The following PAK1IP1 variants were observed in gnomAD, a reference collection of about 807,000 sequenced individuals.
The protein encoded by PAK1IP1 is PAK1 interacting protein 1.
PAK1IP1 carries 24 observed loss-of-function variants against 42.0 expected under a neutral mutation model. The ratio of observed to expected loss-of-function variants is 0.57; its 90% confidence interval spans 0.41 to 0.80. The LOEUF is 0.80. Ranked by LOEUF, PAK1IP1 falls within the 30% of genes least tolerant of loss-of-function variation. The probability of loss-of-function intolerance (pLI) is 0.00; values close to 1 mark genes in which losing one functional copy is unlikely to be tolerated. For synonymous variants in PAK1IP1, 154 were observed against 156.7 expected (o/e 0.98, Z 0.13); for missense variants, 411 against 467.9 (o/e 0.88, Z 1.12).
intron 4 of PAK1IP1, among the ~76,000 whole-genome samples, chr6:10,702,888 G>A (rs559692849): frequency 6.6e-6 from 1 of 152,014 alleles, no homozygotes; most frequent in East Asian, 1.9e-4. Flanking sequence ...CTCACTGCAA[G>A]CTCCGCCTCC....
upstream of PAK1IP1, chr6:10,694,369 G>A (rs1304826883): frequency 6.5e-6 from 1 of 153,184 alleles, no homozygotes; most frequent in Non-Finnish European, 1.5e-5. Context: ...AAGTGTGCAG[G>A]GCTGGGGTTC....
chr6:10,704,893 T>C (rs1264917836), intron 7 of PAK1IP1, 49 bp downstream of exon 7: 5 of 1,099,218 alleles, frequency 4.5e-6, no homozygotes, highest in South Asian at 1.2e-5. Flanking sequence ...ATAAAAGGTA[T>C]ATATGCAGTA....
upstream of PAK1IP1, among the ~76,000 whole-genome samples, chr6:10,693,674 C>A (rs1279934062): frequency 2.0e-5 from 3 of 152,204 alleles, no homozygotes. Flanking sequence ...CTGTTGGGAG[C>A]TTGTAGGAAA....
intron 2 of PAK1IP1, among the ~76,000 whole-genome samples, chr6:10,701,061 CTT>C (rs1770012434): frequency 6.6e-6 from 1 of 151,840 alleles, no homozygotes; most frequent in Non-Finnish European, 1.5e-5. Flanking sequence ...TTTTCTTTTT[CTT>C]TTCTTTTCTA....
intron 8 of PAK1IP1, among the ~76,000 whole-genome samples, chr6:10,708,118 G>A (rs908648044): frequency 7.0e-6 from 1 of 142,736 alleles, no homozygotes; most frequent in African/African-American, 2.6e-5. Flanking sequence ...AATCATAATC[G>A]TAATTAATTT....
upstream of PAK1IP1, among the ~76,000 whole-genome samples, chr6:10,693,883 C>G (rs1466481294): frequency 2.0e-5 from 3 of 152,166 alleles, no homozygotes; most frequent in East Asian, 5.8e-4. Flanking sequence ...CGGGCGTCGC[C>G]ATGCTGGGCT....
Position 10,704,453 on chromosome 6 carries a change from TCATTTTA to T in PAK1IP1, c.497-53_497-47del, listed in dbSNP as rs879065041. 3.9e-6 allele frequency: 4 copies of T among 1,018,936 alleles called. No individual in the cohort carries two copies. The South Asian group carries it at 6.3e-5, about 16-fold the overall frequency. The allele number at this position is 1,018,936 out of a possible 1,614,324, so 63.1% of individuals were successfully genotyped here. ...ATATTTGCTATTTTTATTACTATGA[TCATTTTA>T]TGTTTTATTTACAAAATAAATAAAC... On this transcript the variant is annotated intron_variant, in intron 5 of 9. Transcript: ENST00000379568.
At chr6:10,699,244 G>A (rs1038175960) in intron 2 of PAK1IP1, among the ~76,000 whole-genome samples, 2 of 150,926 alleles carry the variant, frequency 1.3e-5, no homozygotes, top group African/African-American at 4.9e-5. Context: ...AAGAAAATGT[G>A]TTGTCAAGGG....
At position 10,704,623 on chromosome 6, in the gene PAK1IP1, AAG is replaced by A; in HGVS notation, c.617_618del (p.Arg206AsnfsTer5). 1 of 1,611,824 alleles carries A rather than the reference AAG, an allele frequency of 6.2e-7. No individual in the cohort carries two copies. The highest frequency in any genetic ancestry group is 8.5e-7 in the Non-Finnish European group (1 of 1,178,550). On this transcript the variant is annotated frameshift_variant, in exon 6 of 10. Transcript: ENST00000379568. LOFTEE classifies it high-confidence loss of function. Reference protein sequence around the residue: ...ASISGTITNEKRISSVKFLSE... With the variant: ...ASISGTITNEXRISSVKFLSE... ...CATTAGTGGCACCATCACAAATGAA[AAG>A]AGAATTTCCTCTGTTAAATTTCTTT...
At chr6:10,699,913 G>A (rs1329836831) in intron 2 of PAK1IP1, among the ~76,000 whole-genome samples, 1 of 152,158 alleles carries the variant, frequency 6.6e-6, no homozygotes, top group Non-Finnish European at 1.5e-5. Flanking sequence ...GGCACCAGCA[G>A]ATTTTCTTGT....
chr6:10,698,481 T>C (rs531140909), intron 2 of PAK1IP1, among the ~76,000 whole-genome samples: 4 of 152,308 alleles, frequency 2.6e-5, no homozygotes, highest in African/African-American at 9.6e-5. Context: ...CTGGTGTTCA[T>C]AGGGAACCGT....
chr6:10,702,647 A>G lies in PAK1IP1; in HGVS notation c.443+8A>G. ...TACAGATAAAACTTTAAGGTAAGTCATTAATGCTCAAGAGCATTTATCTAA... is the reference window on the plus strand; with the variant it reads ...TACAGATAAAACTTTAAGGTAAGTCGTTAATGCTCAAGAGCATTTATCTAA... On this transcript the variant is annotated splice_region_variant and intron_variant, in intron 4 of 9. Transcript: ENST00000379568. 5.7e-6 allele frequency: 9 copies of G among 1,583,896 alleles called. No homozygotes were observed. Among genetic ancestry groups the G allele is most frequent in the Non-Finnish European group, 7.8e-6 (9 of 1,152,600 alleles).
At chr6:10,701,772 A>G (rs1770034806) in intron 2 of PAK1IP1, among the ~76,000 whole-genome samples, 1 of 152,164 alleles carries the variant, frequency 6.6e-6, no homozygotes, top group South Asian at 2.1e-4. Flanking sequence ...TTCTGCTCAA[A>G]CTATCCTAGC....
chr6:10,707,761 C>G (rs1464613046), intron 8 of PAK1IP1, among the ~76,000 whole-genome samples: 2 of 152,180 alleles, frequency 1.3e-5, no homozygotes, highest in African/African-American at 4.8e-5. Context: ...GCTCTACTTT[C>G]CTCTCTTGAA....
chr6:10,696,539 A>G (rs1054428629), intron 1 of PAK1IP1, among the ~76,000 whole-genome samples: 5 of 152,192 alleles, frequency 3.3e-5, no homozygotes, highest in African/African-American at 4.8e-5. Flanking sequence ...TCCTAATGCT[A>G]TTGTCACATG....
Position 10,694,974 on chromosome 6 carries a change from G to A in PAK1IP1, c.-12G>A. 1.3e-6 allele frequency: 2 copies of A among 1,584,752 alleles called. No homozygotes were observed. Among genetic ancestry groups the A allele is most frequent in the African/African-American group, 1.4e-5 (1 of 73,322 alleles). On this transcript the variant is annotated 5_prime_UTR_variant, in exon 1 of 10. The change creates a new upstream start codon in the 5' untranslated region. Transcript: ENST00000379568. ...TGAGCCGGGCTGGCGGAAGAGGCAC[G>A]TGCGCTGCTGAATGGAGCTGGTCGC... is the stretch of plus-strand genomic sequence containing the variant.
chr6:10,708,046 T>C (rs984313467), intron 8 of PAK1IP1, among the ~76,000 whole-genome samples: 4 of 151,064 alleles, frequency 2.6e-5, no homozygotes, highest in Non-Finnish European at 4.4e-5. Context: ...ATTTTCTTTT[T>C]TTTTTTTTTT....
rs569689711 is a variant in PAK1IP1, at chr6:10,702,593, C to T, written c.397C>T (p.Pro133Ser). 15 of 1,613,794 alleles carry T rather than the reference C, an allele frequency of 9.3e-6. No individual in the cohort carries two copies. The East Asian group carries it at 3.1e-4, about 34-fold the overall frequency. Residue 133 changes from proline (P) to serine (S), a missense_variant, in exon 4 of 10, where the codon CCA (proline) becomes TCA (serine). Pro to Ser is a moderately conservative substitution (Grantham distance 74). Coordinates refer to ENST00000379568, the MANE Select transcript of PAK1IP1 (RefSeq NM_017906.3). ...ACAGGTGACCTTCCTTTCTATTCACCCATCTGGCAAGTTGGCCCTGTCGGT... is the reference window on the plus strand; with the variant it reads ...ACAGGTGACCTTCCTTTCTATTCACTCATCTGGCAAGTTGGCCCTGTCGGT... ...KGQVTFLSIH[P>S]SGKLALSVGT...
intron 7 of PAK1IP1, among the ~76,000 whole-genome samples, chr6:10,706,812 G>A (rs1770215596): frequency 6.6e-6 from 1 of 151,964 alleles, no homozygotes; most frequent in Admixed American, 6.6e-5. Flanking sequence ...GAACCCAGGA[G>A]GCGGAGGTTG....
Sources: gnomAD v4.1 joint callset for allele counts (sites outside exome capture counted in the v4.1 genomes callset) on GRCh38, gnomAD v4.1.1 for gene constraint, MANE v1.5 for transcripts, NCBI Gene and HGNC (gene_info 2026-07-23, HGNC 2026-07-21) for gene names.